The following FOXK2 variants were observed in gnomAD, a reference collection of about 807,000 sequenced individuals.
FOXK2 encodes the protein forkhead box K2, also known as forkhead box protein K2.
FOXK2 carries 24 observed loss-of-function variants against 53.3 expected under a neutral mutation model. That is an observed-to-expected ratio of 0.45 (90% CI 0.33 to 0.63). The LOEUF is 0.63. FOXK2 is among the 30% of genes least tolerant of loss of function. The pLI, the probability that FOXK2 is intolerant of heterozygous loss-of-function variation, is 0.03. For synonymous variants in FOXK2, 505 were observed against 407.1 expected, an observed-to-expected ratio of 1.24 and a Z score of -2.89; for missense variants, 952 against 910.5, an observed-to-expected ratio of 1.05 and a Z score of -0.59.
At chr17:82,546,448 A>T (rs1363396677) in intron 1 of FOXK2, among the ~76,000 whole-genome samples, 1 of 151,642 alleles carries the variant, frequency 6.6e-6, no homozygotes, top group Non-Finnish European at 1.5e-5. Context: ...TTTCCTGCAC[A>T]TTAACAAATG....
chr17:82,588,003 GAA>G (rs1304172952), intron 8 of FOXK2, among the ~76,000 whole-genome samples: 1 of 151,766 alleles, frequency 6.6e-6, no homozygotes, highest in Non-Finnish European at 1.5e-5. Flanking sequence ...CGCTTTCTTT[GAA>G]AGAGGGTACA....
rs566128611 is a variant in FOXK2, at chr17:82,526,825, C to T, written c.419+6518C>T. ...CAACCTGGGCGACAGAGCGAGACTC[C>T]GTCTCAAAAAAAAAAAAAAAAGAAA... On this transcript the variant is annotated intron_variant, in intron 1 of 8. Transcript: ENST00000335255. 1.6e-3 allele frequency among the ~76,000 whole-genome samples: 216 copies of T among 135,118 alleles called. 1 individual carries two copies. The highest frequency in any genetic ancestry group is 5.8e-3 in the African/African-American group (208 of 36,092). 88.6% of individuals were successfully genotyped at this position (135,118 alleles called of 152,430 possible).
chr17:82,553,707 C>A (rs1226680937), intron 1 of FOXK2, among the ~76,000 whole-genome samples: 1 of 152,202 alleles, frequency 6.6e-6, no homozygotes, highest in Non-Finnish European at 1.5e-5. Flanking sequence ...AAGACATGAA[C>A]CACCACTAGA....
chr17:82,567,343 G>A (rs935120456), intron 2 of FOXK2, among the ~76,000 whole-genome samples: 1 of 152,168 alleles, frequency 6.6e-6, no homozygotes, highest in African/African-American at 2.4e-5. Flanking sequence ...GCAGCTCCTT[G>A]ACTTACCAGA....
intron 5 of FOXK2, 114 bp from the exon 6 acceptor site, chr17:82,583,899 T>G: frequency 9.2e-7 from 1 of 1,088,788 alleles, no homozygotes; most frequent in South Asian, 1.6e-5. Flanking sequence ...ACAACAGTAC[T>G]TGGTTGTCAG....
Position 82,541,429 on chromosome 17 carries a change from C to T in FOXK2, c.419+21122C>T, listed in dbSNP as rs538565888. ...CTGGGATTACAGGCGCCCGCCATCA[C>T]GCCCGGCTAATTTTTGTATTTTTAG... On this transcript the variant is annotated intron_variant, in intron 1 of 8. Coordinates refer to ENST00000335255, the MANE Select transcript of FOXK2 (RefSeq NM_004514.4). 3.3e-5 allele frequency among the ~76,000 whole-genome samples: 5 copies of T among 151,952 alleles called. No homozygotes were observed. In the South Asian group the frequency reaches 6.2e-4, roughly 19 times the overall value.
intron 4 of FOXK2, among the ~76,000 whole-genome samples, chr17:82,577,701 C>T (rs1037895217): frequency 6.6e-6 from 1 of 152,302 alleles, no homozygotes; most frequent in South Asian, 2.1e-4. Context: ...CTCTCAGCCT[C>T]CAAAGGGACT....
chr17:82,573,623 T>A (rs995736680), intron 4 of FOXK2, among the ~76,000 whole-genome samples: 27 of 150,702 alleles, frequency 1.8e-4, no homozygotes, highest in Non-Finnish European at 3.2e-4. Flanking sequence ...CTTCTACCCA[T>A]GTTCCAGTGA....
intron 1 of FOXK2, among the ~76,000 whole-genome samples, chr17:82,529,308 C>T (rs911141341): frequency 6.8e-6 from 1 of 148,102 alleles, no homozygotes; most frequent in Non-Finnish European, 1.5e-5. Context: ...TTGCAGTGTC[C>T]ACCTCCCGGG....
intron 1 of FOXK2, among the ~76,000 whole-genome samples, chr17:82,530,771 A>G (rs1042346781): frequency 6.6e-6 from 1 of 152,150 alleles, no homozygotes; most frequent in Non-Finnish European, 1.5e-5. Context: ...TGGCCTCCCA[A>G]AGTGTTGGGA....
intron 1 of FOXK2, among the ~76,000 whole-genome samples, chr17:82,536,485 T>C (rs957623936): frequency 1.3e-5 from 2 of 152,340 alleles, no homozygotes; most frequent in South Asian, 4.1e-4. Context: ...GCTATTGTTA[T>C]TGCAGACTAT....
At chr17:82,555,517 C>G (rs537831716) in intron 1 of FOXK2, among the ~76,000 whole-genome samples, 7 of 152,156 alleles carry the variant, frequency 4.6e-5, no homozygotes, top group African/African-American at 1.4e-4. Context: ...TATCTTGTTT[C>G]GAATGTAACC....
intron 3 of FOXK2, among the ~76,000 whole-genome samples, chr17:82,570,208 C>T (rs977372421): frequency 5.4e-5 from 8 of 148,010 alleles, no homozygotes; most frequent in South Asian, 2.1e-4. Context: ...AGTGACAGAG[C>T]GAGACTCTGT....
At chr17:82,565,606 C>A (rs560511431) in intron 2 of FOXK2, among the ~76,000 whole-genome samples, 444 of 152,280 alleles carry the variant, frequency 2.9e-3, no homozygotes, top group Non-Finnish European at 5.4e-3. Context: ...ACAATGAGAT[C>A]CCACCTCACA....
rs181617523 is a variant in FOXK2, at chr17:82,569,279, G to A, written c.762+1078G>A. Among the ~76,000 whole-genome samples the A allele has an allele frequency of 1.1e-4, 16 of 152,350 alleles. No individual in the cohort carries two copies. In the East Asian group the frequency reaches 2.3e-3, roughly 22 times the overall value. On this transcript the variant is annotated intron_variant, in intron 3 of 8. Transcript: ENST00000335255. The stretch of plus-strand genomic sequence containing the variant: ...AGCTGTGCATCCCCCACCTGCGGCC[G>A]ACTACGGCGTCTAACACAGGGTGCT...
chr17:82,583,661 A>G (rs114779309), intron 5 of FOXK2, among the ~76,000 whole-genome samples: 1 of 151,708 alleles, frequency 6.6e-6, no homozygotes, highest in Non-Finnish European at 1.5e-5. Context: ...TTTTAACAAA[A>G]AAAAAAATGA....
chr17:82,583,560 C>T (rs986731096), intron 5 of FOXK2, among the ~76,000 whole-genome samples: 39 of 152,308 alleles, frequency 2.6e-4, no homozygotes, highest in African/African-American at 9.1e-4. Flanking sequence ...AACAAAAATA[C>T]ACTACTTTTT....
chr17:82,600,499 T>A (rs2045371329), intron 8 of FOXK2: 1 of 152,296 alleles, frequency 6.6e-6, no homozygotes, highest in Non-Finnish European at 1.5e-5. Context: ...GGCGATCAGC[T>A]GATTTACTCA....
At position 82,586,062 on chromosome 17, in the gene FOXK2, G is replaced by C; in HGVS notation, c.1438G>C (p.Val480Leu). 2.5e-6 allele frequency: 4 copies of C among 1,612,810 alleles called. No individual in the cohort carries two copies. The highest frequency in any genetic ancestry group is 3.4e-6 in the Non-Finnish European group (4 of 1,179,990). The change falls in exon 7 of 9, where the codon GTG (valine) becomes CTG (leucine). Residue 480 changes from valine (V) to leucine (L), a missense_variant. Transcript: ENST00000335255. Reference protein sequence around the residue: ...TVHVVHQIPAVSVTSVAGLAP... With the variant: ...TVHVVHQIPALSVTSVAGLAP... ...TCACGTCGTCCACCAGATCCCAGCG[G>C]TGTCGGTCACCAGTGTGGCCGGACT... is the stretch of plus-strand genomic sequence containing the variant.
Sources: gnomAD v4.1 joint callset for allele counts (sites outside exome capture counted in the v4.1 genomes callset) on GRCh38, gnomAD v4.1.1 for gene constraint, MANE v1.5 for transcripts, NCBI Gene and HGNC (gene_info 2026-07-23, HGNC 2026-07-21) for gene names.